Variants in PRMT8 observed in about 807,000 individuals in gnomAD.
PRMT8 encodes the protein protein arginine methyltransferase 8.
PRMT8 carries 7 observed loss-of-function variants against 47.1 expected under a neutral mutation model. That is an observed-to-expected ratio of 0.15 (90% CI 0.08 to 0.28). The LOEUF (loss-of-function observed/expected upper bound fraction) is 0.28. Ranked by LOEUF, PRMT8 falls within the 10% of genes least tolerant of loss-of-function variation. PRMT8 has a pLI of 1.00. For synonymous variants in PRMT8, 188 were observed against 186.5 expected (o/e 1.01, Z -0.07); for missense variants, 237 against 505.4 (o/e 0.47, Z 5.09).
At chr12:3,410,618 G>T (rs2137055744) in intron 1 of PRMT8, among the ~76,000 whole-genome samples, 1 of 152,216 alleles carries the variant, frequency 6.6e-6, no homozygotes, top group Non-Finnish European at 1.5e-5. Flanking sequence ...AAGCGATTCT[G>T]CTGCCTCAGC....
Position 3,491,366 on chromosome 12 carries a change from G to A in PRMT8, c.-260G>A. ...TTAGCCCGCAGCGCGGGTGGAGAGG[G>A]GCGGGGAGGGGGTCGGGGGCACGAG... On this transcript the variant is annotated 5_prime_UTR_variant, in exon 1 of 10. Transcript: ENST00000382622. The A allele has an allele frequency of 1.7e-6, 2 of 1,175,070 alleles. No individual in the cohort carries two copies. The highest frequency in any genetic ancestry group is 2.1e-6 in the Non-Finnish European group (2 of 949,904). The allele number at this position is 1,175,070 out of a possible 1,614,324, so 72.8% of individuals were successfully genotyped here.
chr12:3,570,620 G>A lies in PRMT8; in HGVS notation c.712+1056G>A, dbSNP rs1474663837. The stretch of plus-strand genomic sequence containing the variant: ...CCACAGTTCAACAAATTGTGGCTCT[G>A]TGGATTTAAACAATTGCCATCTAAT... On this transcript the variant is annotated intron_variant, in intron 6 of 9. Transcript: ENST00000382622. The surrounding 1 kb of genome is among the most constrained non-coding windows in gnomAD (Gnocchi z 5.5). Among the ~76,000 whole-genome samples, 2 of 152,230 alleles carry A rather than the reference G, an allele frequency of 1.3e-5. No homozygotes were observed. The highest frequency in any genetic ancestry group is 2.9e-5 in the Non-Finnish European group (2 of 68,042).
intron 1 of PRMT8, among the ~76,000 whole-genome samples, chr12:3,468,119 C>T (rs900447778): frequency 2.0e-5 from 3 of 152,172 alleles, no homozygotes; most frequent in Non-Finnish European, 2.9e-5. Context: ...AGAGGGCCTT[C>T]GAAAGAACTT....
chr12:3,476,142 T>C (rs1376942119), intron 1 of PRMT8, among the ~76,000 whole-genome samples: 1 of 152,156 alleles, frequency 6.6e-6, no homozygotes, highest in Non-Finnish European at 1.5e-5. Context: ...GCCAGACACT[T>C]TCTAGCCCTA....
chr12:3,518,687 A>G (rs1325231595), intron 1 of PRMT8, among the ~76,000 whole-genome samples: 2 of 152,152 alleles, frequency 1.3e-5, no homozygotes. Context: ...GCAAGACCCT[A>G]GAAAGCTAAT....
At position 3,498,175 on chromosome 12, in the gene PRMT8, C is replaced by T. The variant is rs531724776; in HGVS notation, c.75+6475C>T. On this transcript the variant is annotated intron_variant, in intron 1 of 9. Transcript: ENST00000382622. ...CAATGCTGTGAATTACATATATCCC[C>T]ATTGTATGGATTAATAAACTGAAGC... Among the ~76,000 whole-genome samples, 65 of 152,248 alleles carry T rather than the reference C, an allele frequency of 4.3e-4. 1 individual carries two copies. Among genetic ancestry groups the T allele is most frequent in the African/African-American group, 1.2e-3 (51 of 41,544 alleles).
At chr12:3,394,643 G>A (rs954286863) in intron 1 of PRMT8, among the ~76,000 whole-genome samples, 1 of 152,122 alleles carries the variant, frequency 6.6e-6, no homozygotes, top group African/African-American at 2.4e-5. Context: ...TTGCATCAAT[G>A]TTCATCAAGG....
chr12:3,442,036 C>T (rs1864808475), intron 1 of PRMT8, among the ~76,000 whole-genome samples: 1 of 152,166 alleles, frequency 6.6e-6, no homozygotes, highest in African/African-American at 2.4e-5. Flanking sequence ...GAAAACACAA[C>T]ACATCCAAAC....
At chr12:3,490,517 G>T (rs551162045), upstream of PRMT8, among the ~76,000 whole-genome samples, 3 of 149,606 alleles carry the variant, frequency 2.0e-5, no homozygotes, top group Admixed American at 6.6e-5. Context: ...AGAAATGCGT[G>T]GGCAGGGGGC....
At chr12:3,494,315 G>A (rs1240734069) in intron 1 of PRMT8, among the ~76,000 whole-genome samples, 1 of 152,150 alleles carries the variant, frequency 6.6e-6, no homozygotes, top group East Asian at 1.9e-4. Context: ...CCTGCTTTTT[G>A]TTGTTTATCT....
intron 1 of PRMT8, among the ~76,000 whole-genome samples, chr12:3,524,448 G>A (rs149891848): frequency 4.0e-5 from 6 of 150,612 alleles, no homozygotes; most frequent in South Asian, 2.1e-4. Context: ...CCTCTTCCCC[G>A]CCCCTTAGTT....
rs1340572920 is a variant in PRMT8 at position 3,538,195 on chromosome 12, ACT to A, written c.76-2406_76-2405del. ...CCTCCTGCTATCCCAGGGCTTCCTG[ACT>A]CTCTGCATTAAAGTGAATTCTCTTT... is the stretch of plus-strand genomic sequence containing the variant. On this transcript the variant is annotated intron_variant, in intron 1 of 9. Transcript: ENST00000382622. This position sits in a 1 kb window ranked among gnomAD's most constrained non-coding sequence, Gnocchi z 4.6. The A allele has an allele frequency of 1.3e-5, 2 of 153,346 alleles. No homozygotes were observed. The highest frequency in any genetic ancestry group is 4.8e-5 in the African/African-American group (2 of 41,416). 9.5% of individuals were successfully genotyped at this position (153,346 alleles called of 1,614,324 possible). A position where few individuals can be genotyped will look rare whatever the true frequency, so the allele number is the denominator to read the frequency against.
chr12:3,424,935 C>T (rs756786956), intron 1 of PRMT8, among the ~76,000 whole-genome samples: 1 of 152,128 alleles, frequency 6.6e-6, no homozygotes, highest in African/African-American at 2.4e-5. Context: ...AGTCAGCTTC[C>T]GGGTGTGACT....
At chr12:3,451,413 A>G (rs1269572692) in intron 1 of PRMT8, among the ~76,000 whole-genome samples, 1 of 152,180 alleles carries the variant, frequency 6.6e-6, no homozygotes, top group East Asian at 1.9e-4. Context: ...TGCTGTTTGC[A>G]AGCACTCTGT....
rs773114612 is a variant in PRMT8 at position 3,576,764 on chromosome 12, C to G, written c.713-107C>G. On this transcript the variant is annotated intron_variant, in intron 6 of 9. Coordinates refer to ENST00000382622, the MANE Select transcript of PRMT8 (RefSeq NM_019854.5). This position sits in a 1 kb window ranked among gnomAD's most constrained non-coding sequence, Gnocchi z 4.0. The stretch of plus-strand genomic sequence containing the variant: ...GCCTCTATTTCGATGCAAGGGAACT[C>G]GAGCTGCCACTCAGCCCTCAGGCAC... 4 of 799,126 alleles carry G rather than the reference C, an allele frequency of 5.0e-6. No individual in the cohort carries two copies. The African/African-American group carries it at 6.9e-5, about 14-fold the overall frequency. The allele number at this position is 799,126 out of a possible 1,614,324, so 49.5% of individuals were successfully genotyped here. A position where few individuals can be genotyped will look rare whatever the true frequency, so the allele number is the denominator to read the frequency against.
intron 1 of PRMT8, among the ~76,000 whole-genome samples, chr12:3,444,538 T>A (rs141937427): frequency 6.6e-6 from 1 of 152,246 alleles, no homozygotes; most frequent in South Asian, 2.1e-4. Context: ...CTTCTAGGCA[T>A]GTTTTGTGAT....
At chr12:3,488,480 C>A (rs1865342785), upstream of PRMT8, among the ~76,000 whole-genome samples, 1 of 152,144 alleles carries the variant, frequency 6.6e-6, no homozygotes, top group Non-Finnish European at 1.5e-5. Context: ...CTCTGAACCC[C>A]TTATCATCCC....
chr12:3,554,555 G>A (rs938571628), intron 4 of PRMT8, among the ~76,000 whole-genome samples: 1 of 152,216 alleles, frequency 6.6e-6, no homozygotes, highest in Non-Finnish European at 1.5e-5. Flanking sequence ...GTGAGACAGA[G>A]GCCGCCTGCA....
At chr12:3,421,134 A>G (rs1482813491) in intron 1 of PRMT8, among the ~76,000 whole-genome samples, 1 of 152,326 alleles carries the variant, frequency 6.6e-6, no homozygotes, top group South Asian at 2.1e-4. Context: ...TAGCTTAAAA[A>G]CATAATTGTT....
Sources: gnomAD v4.1 joint callset for allele counts (sites outside exome capture counted in the v4.1 genomes callset) on GRCh38, gnomAD v4.1.1 for gene constraint, Gnocchi (gnomAD v3.1) non-coding constraint, MANE v1.5 for transcripts, NCBI Gene and HGNC (gene_info 2026-07-23, HGNC 2026-07-21) for gene names.